Variants in SLC9B1 observed in about 807,000 individuals in gnomAD.
The protein encoded by SLC9B1 is solute carrier family 9 member B1, also known as sodium/hydrogen exchanger 9B1.
A neutral mutation model predicts 51.7 loss-of-function variants in SLC9B1; 32 were observed. That is an observed-to-expected ratio of 0.62 (90% CI 0.47 to 0.83). SLC9B1 has a LOEUF of 0.83. SLC9B1 is among the 40% of genes least tolerant of loss of function. SLC9B1 has a pLI of 0.00. For missense variants in SLC9B1, 406 were observed against 613.2 expected (o/e 0.66, Z 3.57); for synonymous variants, 145 against 212.7 (o/e 0.68, Z 2.77).
intron 11 of SLC9B1, among the ~76,000 whole-genome samples, chr4:102,886,654 C>T (rs1025778329): frequency 3.3e-5 from 5 of 151,926 alleles, no homozygotes; most frequent in African/African-American, 1.2e-4. Flanking sequence ...CTTGCTCTGT[C>T]ACTCAGGCTG....
rs540511127 is a variant in SLC9B1, at chr4:102,924,866, C to T, written c.829+7258G>A. Among the ~76,000 whole-genome samples the T allele has an allele frequency of 3.4e-3, 513 of 152,304 alleles. 2 individuals are homozygous for T. The highest frequency in any genetic ancestry group is 0.012 in the African/African-American group (483 of 41,566). ...AAAACCACAATGAGATACCATCTCA[C>T]ACCAATTAGAATGGTGATCATTAAA... On this transcript the variant is annotated intron_variant, in intron 7 of 11. Transcript: ENST00000296422.
chr4:102,894,572 CAAAAAT>C (rs1734443949), intron 11 of SLC9B1, among the ~76,000 whole-genome samples: 2 of 151,496 alleles, frequency 1.3e-5, no homozygotes. Flanking sequence ...TTCACAATAA[CAAAAAT>C]AATAAAGGTA....
chr4:103,000,178 G>T (rs988983540), intron 1 of SLC9B1, among the ~76,000 whole-genome samples: 1 of 152,168 alleles, frequency 6.6e-6, no homozygotes, highest in African/African-American at 2.4e-5. Flanking sequence ...TATGAGATGA[G>T]ATTTGGGTGG....
At chr4:102,956,997 T>C (rs1737845457) in intron 3 of SLC9B1, among the ~76,000 whole-genome samples, 1 of 152,148 alleles carries the variant, frequency 6.6e-6, no homozygotes, top group Non-Finnish European at 1.5e-5. Flanking sequence ...TATTTAAAAA[T>C]AGAATCTAGA....
At chr4:102,996,119 G>A (rs1041697898) in intron 1 of SLC9B1, among the ~76,000 whole-genome samples, 1 of 151,996 alleles carries the variant, frequency 6.6e-6, no homozygotes, top group African/African-American at 2.4e-5. Flanking sequence ...TGGTGACATT[G>A]CATTATGAAT....
intron 9 of SLC9B1, among the ~76,000 whole-genome samples, chr4:102,910,128 T>C (rs181721294): frequency 6.6e-6 from 1 of 152,206 alleles, no homozygotes; most frequent in Admixed American, 6.5e-5. Flanking sequence ...TACAAACATT[T>C]TTCATGGATT....
chr4:102,980,296 G>A (rs1402977567), intron 3 of SLC9B1, among the ~76,000 whole-genome samples: 1 of 152,106 alleles, frequency 6.6e-6, no homozygotes, highest in East Asian at 1.9e-4. Flanking sequence ...ACATGCACAT[G>A]GATGTTCACT....
At chr4:102,958,755 T>C (rs1225445462) in intron 3 of SLC9B1, among the ~76,000 whole-genome samples, 1 of 151,918 alleles carries the variant, frequency 6.6e-6, no homozygotes, top group Non-Finnish European at 1.5e-5. Context: ...ACCCCGTGTC[T>C]ACTAAAAATA....
intron 11 of SLC9B1, among the ~76,000 whole-genome samples, chr4:102,895,322 T>A (rs1734483758): frequency 6.6e-6 from 1 of 152,142 alleles, no homozygotes; most frequent in African/African-American, 2.4e-5. Context: ...TTTAAATGAT[T>A]TAAATACGTA....
rs567902868 is a variant in SLC9B1 at position 102,934,579 on chromosome 4, A to G, written c.654-2280T>C. On this transcript the variant is annotated intron_variant, in intron 6 of 11. Transcript: ENST00000296422. ...TTTGGGAGGCTGAGGCGGACAGATC[A>G]GGAGTTTGAGACCAGCCTGGCCAAC... Among the ~76,000 whole-genome samples, 10 of 152,216 alleles carry G rather than the reference A, an allele frequency of 6.6e-5. No individual in the cohort carries two copies. The East Asian group carries it at 1.4e-3, about 21-fold the overall frequency.
At chr4:102,919,942 G>T (rs1200360499) in intron 7 of SLC9B1, among the ~76,000 whole-genome samples, 1 of 152,208 alleles carries the variant, frequency 6.6e-6, no homozygotes, top group East Asian at 1.9e-4. Flanking sequence ...GCTCAACAAG[G>T]CCTATTGCCT....
intron 3 of SLC9B1, among the ~76,000 whole-genome samples, chr4:102,989,345 TGAC>T (rs1739825554): frequency 6.6e-6 from 1 of 152,028 alleles, no homozygotes; most frequent in South Asian, 2.1e-4. Flanking sequence ...AAGTATTTGC[TGAC>T]AACAACACTA....
rs189208308 is a variant in SLC9B1 at position 102,924,209 on chromosome 4, A to G, written c.829+7915T>C. Among the ~76,000 whole-genome samples, 8 of 152,336 alleles carry G rather than the reference A, an allele frequency of 5.3e-5. No homozygotes were observed. In the East Asian group the frequency reaches 1.3e-3, roughly 26 times the overall value. On this transcript the variant is annotated intron_variant, in intron 7 of 11. Transcript: ENST00000296422. Reference sequence around the variant, plus strand: ...GCATGGTACTGGTGCCAAAGCAGAGATATAGACCAATGGAACAGAATAGAG... The same window carrying G: ...GCATGGTACTGGTGCCAAAGCAGAGGTATAGACCAATGGAACAGAATAGAG...
intron 6 of SLC9B1, among the ~76,000 whole-genome samples, chr4:102,944,136 C>A (rs1244973406): frequency 2.0e-5 from 3 of 152,060 alleles, no homozygotes; most frequent in African/African-American, 7.2e-5. Context: ...GAACAGGAAA[C>A]CAAATATCCC....
intron 3 of SLC9B1, among the ~76,000 whole-genome samples, chr4:102,955,080 T>C (rs1171308651): frequency 1.3e-5 from 2 of 152,190 alleles, no homozygotes; most frequent in Non-Finnish European, 2.9e-5. Context: ...CTCCCTGATA[T>C]GGTTTGGCTT....
intron 6 of SLC9B1, among the ~76,000 whole-genome samples, chr4:102,932,934 A>G (rs1274280449): frequency 1.3e-5 from 2 of 152,232 alleles, no homozygotes; most frequent in Non-Finnish European, 2.9e-5. Flanking sequence ...AAGTGTGGCC[A>G]CCTAAGTTAC....
intron 7 of SLC9B1, among the ~76,000 whole-genome samples, chr4:102,924,490 G>A (rs1464996513): frequency 2.6e-5 from 4 of 152,186 alleles, no homozygotes; most frequent in Non-Finnish European, 5.9e-5. Context: ...TCAGGCCATA[G>A]GCATGGGCAA....
intron 1 of SLC9B1, among the ~76,000 whole-genome samples, chr4:103,012,708 G>A (rs1413712824): frequency 2.0e-5 from 3 of 152,186 alleles, no homozygotes; most frequent in Non-Finnish European, 4.4e-5. Context: ...TCACAATTCT[G>A]GAGGCTGGGA....
Position 102,946,781 on chromosome 4 carries a change from G to T in SLC9B1, c.391C>A (p.Leu131Met). Residue 131 changes from leucine to methionine, a missense_variant, in exon 5 of 12, where the codon CTG becomes ATG. Transcript: ENST00000296422. ...ACATTCCTAATCGTAAAACCAGCCA[G>T]TAACATCCCTTAAAAGAAAGAAAAT... ...PPLPPLLGMLLAGFTIRNVPF... is the reference protein window; with the variant it reads ...PPLPPLLGMLMAGFTIRNVPF... 6.3e-7 allele frequency: 1 copy of T among 1,587,088 alleles called. No individual in the cohort carries two copies.
Sources: allele counts gnomAD v4.1 joint callset (sites outside exome capture counted in the v4.1 genomes callset), GRCh38; gene constraint gnomAD v4.1.1; transcripts MANE v1.5; gene names NCBI Gene and HGNC (gene_info 2026-07-23, HGNC 2026-07-21).